The following CAMKMT variants were observed in gnomAD, a reference collection of about 807,000 sequenced individuals.
CAMKMT encodes CaM KMT.
CAMKMT carries 53 observed loss-of-function variants against 48.0 expected under a neutral mutation model. That is an observed-to-expected ratio of 1.10 (90% CI 0.89 to 1.39). The LOEUF is 1.39. Ranked by LOEUF, CAMKMT falls within the 40% of genes most tolerant of loss-of-function variation. CAMKMT has a pLI of 0.00. For synonymous variants in CAMKMT, 165 were observed against 152.3 expected, an observed-to-expected ratio of 1.08 and a Z score of -0.61; for missense variants, 428 against 402.7, an observed-to-expected ratio of 1.06 and a Z score of -0.54.
intron 2 of CAMKMT, among the ~76,000 whole-genome samples, chr2:44,383,712 C>T (rs181268000): frequency 1.4e-3 from 207 of 152,242 alleles, no homozygotes; most frequent in African/African-American, 4.7e-3. Context: ...TCCCACATAT[C>T]AGTGAGAATA....
At chr2:44,409,097 A>T (rs1161309147) in intron 3 of CAMKMT, among the ~76,000 whole-genome samples, 1 of 4,872 alleles carries the variant, frequency 2.1e-4, no homozygotes, top group Admixed American at 1.4e-3. Context: ...ATATATATAT[A>T]TATATATATA....
intron 3 of CAMKMT, among the ~76,000 whole-genome samples, chr2:44,398,368 G>A (rs1682045819): frequency 6.6e-6 from 1 of 152,212 alleles, no homozygotes; most frequent in Admixed American, 6.5e-5. Context: ...ATTCTGTGCA[G>A]CAGATTGTGT....
At chr2:44,467,533 C>G (rs1668184160) in intron 3 of CAMKMT, among the ~76,000 whole-genome samples, 1 of 135,072 alleles carries the variant, frequency 7.4e-6, no homozygotes, top group Admixed American at 7.7e-5. Flanking sequence ...GAGCGAAACT[C>G]TGTCTCAGAA....
intron 3 of CAMKMT, among the ~76,000 whole-genome samples, chr2:44,439,711 G>A (rs1019652364): frequency 4.0e-5 from 6 of 151,812 alleles, no homozygotes; most frequent in East Asian, 1.9e-4. Flanking sequence ...CGTGGCGGGC[G>A]CCTGTAGTCC....
chr2:44,667,698 A>G (rs1675076213), intron 3 of CAMKMT, among the ~76,000 whole-genome samples: 1 of 152,084 alleles, frequency 6.6e-6, no homozygotes, highest in African/African-American at 2.4e-5. Flanking sequence ...GTCATCACCA[A>G]TAACCACACC....
At chr2:44,470,219 G>A (rs1668342547) in intron 3 of CAMKMT, among the ~76,000 whole-genome samples, 1 of 152,100 alleles carries the variant, frequency 6.6e-6, no homozygotes, top group African/African-American at 2.4e-5. Flanking sequence ...TCTCAATTCT[G>A]TTTTTAAAAC....
At chr2:44,378,721 T>C (rs1679947356) in intron 2 of CAMKMT, among the ~76,000 whole-genome samples, 1 of 152,150 alleles carries the variant, frequency 6.6e-6, no homozygotes, top group African/African-American at 2.4e-5. Flanking sequence ...CTCGATCTCT[T>C]GACCTCATGA....
At chr2:44,714,553 C>T (rs534796555) in intron 6 of CAMKMT, among the ~76,000 whole-genome samples, 1 of 152,276 alleles carries the variant, frequency 6.6e-6, no homozygotes, top group African/African-American at 2.4e-5. Context: ...TTTTTCTTCT[C>T]ACTTCCTCCC....
At chr2:44,743,192 T>C (rs976588944) in intron 7 of CAMKMT, among the ~76,000 whole-genome samples, 27 of 152,206 alleles carry the variant, frequency 1.8e-4, no homozygotes, top group Non-Finnish European at 4.0e-4. Context: ...TTCATCAATA[T>C]GAAAAGCAAC....
At chr2:44,411,977 C>CA (rs1195139856) in intron 3 of CAMKMT, among the ~76,000 whole-genome samples, 11 of 113,686 alleles carry the variant, frequency 9.7e-5, no homozygotes, top group African/African-American at 3.7e-4. Flanking sequence ...ACATTCTCTT[C>CA]AATTTTTTTT....
intron 2 of CAMKMT, among the ~76,000 whole-genome samples, chr2:44,380,292 A>G (rs947820217): frequency 6.6e-6 from 1 of 152,212 alleles, no homozygotes; most frequent in Non-Finnish European, 1.5e-5. Context: ...ATGGTTTGGG[A>G]TAAAGCTTTG....
At position 44,564,666 on chromosome 2, in the gene CAMKMT, G is replaced by A. The variant is rs980233167; in HGVS notation, c.377-139617G>A. Among the ~76,000 whole-genome samples the A allele has an allele frequency of 3.9e-5, 6 of 152,152 alleles. No homozygotes were observed. In the South Asian group the frequency reaches 6.2e-4, roughly 16 times the overall value. On this transcript the variant is annotated intron_variant, in intron 3 of 10. Coordinates refer to ENST00000378494, the MANE Select transcript of CAMKMT (RefSeq NM_024766.5). The stretch of plus-strand genomic sequence containing the variant: ...CGATTCTCTCCTGCCTCAGCCTCCC[G>A]AGTAGCTGAGATTACAAGCATGTGC...
chr2:44,713,851 T>C (rs565829020), intron 6 of CAMKMT, among the ~76,000 whole-genome samples: 1 of 152,278 alleles, frequency 6.6e-6, no homozygotes, highest in Non-Finnish European at 1.5e-5. Context: ...TGCAGGGAGA[T>C]CTTGGTCAAT....
At chr2:44,418,738 C>A (rs1481095596) in intron 3 of CAMKMT, among the ~76,000 whole-genome samples, 3 of 152,102 alleles carry the variant, frequency 2.0e-5, no homozygotes, top group East Asian at 3.9e-4. Context: ...TCTTGCATTT[C>A]CATACAAATT....
At chr2:44,627,121 A>T (rs961657341) in intron 3 of CAMKMT, among the ~76,000 whole-genome samples, 4 of 152,122 alleles carry the variant, frequency 2.6e-5, no homozygotes, top group African/African-American at 9.7e-5. Flanking sequence ...CTCTTTTGAG[A>T]TGATTGTATA....
chr2:44,362,719 T>C (rs1678056261), intron 1 of CAMKMT, among the ~76,000 whole-genome samples: 1 of 152,230 alleles, frequency 6.6e-6, no homozygotes, highest in Non-Finnish European at 1.5e-5. Flanking sequence ...GATTATCTTG[T>C]AGTTTGTAGT....
At position 44,437,629 on chromosome 2, in the gene CAMKMT, T is replaced by C. The variant is rs181156977; in HGVS notation, c.376+47324T>C. On this transcript the variant is annotated intron_variant, in intron 3 of 10. Coordinates refer to ENST00000378494, the MANE Select transcript of CAMKMT (RefSeq NM_024766.5). ...TTGGGAGGCTGAGGTGGTTGGATCA[T>C]TTGCACTCAGGAGTTCAAGTCCAGT... is the stretch of plus-strand genomic sequence containing the variant. 2.6e-5 allele frequency among the ~76,000 whole-genome samples: 4 copies of C among 152,162 alleles called. No homozygotes were observed. In the East Asian group the frequency reaches 7.7e-4, roughly 29 times the overall value.
Position 44,687,923 on chromosome 2 carries a change from C to T in CAMKMT, c.377-16360C>T, listed in dbSNP as rs564387034. 2.6e-5 allele frequency among the ~76,000 whole-genome samples: 4 copies of T among 152,348 alleles called. No homozygotes were observed. In the East Asian group the frequency reaches 7.7e-4, roughly 29 times the overall value. ...ACAAAACAAAAGAGCAGTTTTAGCA[C>T]ATTATTGCTTAACTAGACATGAACA... is the stretch of plus-strand genomic sequence containing the variant. On this transcript the variant is annotated intron_variant, in intron 3 of 10. Coordinates refer to ENST00000378494, the MANE Select transcript of CAMKMT (RefSeq NM_024766.5).
intron 4 of CAMKMT, among the ~76,000 whole-genome samples, 191 bp from the exon 5 acceptor site, chr2:44,706,096 C>T (rs1306997700): frequency 6.6e-6 from 1 of 152,126 alleles, no homozygotes; most frequent in Non-Finnish European, 1.5e-5. Flanking sequence ...GATTTGCCTG[C>T]TTTGTGACTT....
Sources: allele counts gnomAD v4.1 joint callset (sites outside exome capture counted in the v4.1 genomes callset), GRCh38; gene constraint gnomAD v4.1.1; transcripts MANE v1.5; gene names NCBI Gene and HGNC (gene_info 2026-07-23, HGNC 2026-07-21).